RAB36: variants seen among roughly 807,000 people sequenced by gnomAD.
RAB36 encodes the protein ras-related protein Rab-36.
A neutral mutation model predicts 39.3 loss-of-function variants in RAB36; 33 were observed. The observed-to-expected ratio is 0.84, with a 90% CI of 0.64 to 1.12. The LOEUF (loss-of-function observed/expected upper bound fraction) is 1.12, where lower values mean the gene tolerates loss of function less well. RAB36 is among the 50% of genes most tolerant of loss of function. RAB36 has a pLI of 0.00. For missense variants in RAB36, 308 were observed against 355.3 expected (o/e 0.87, Z 1.07); for synonymous variants, 133 against 140.2 (o/e 0.95, Z 0.36).
downstream of RAB36, among the ~76,000 whole-genome samples, chr22:23,168,276 G>C (rs2072082398): frequency 6.6e-6 from 1 of 152,192 alleles, no homozygotes. Context: ...TCCAGCTCTT[G>C]AAGTCCTGGG....
At chr22:23,154,431 G>A (rs1015859944) in intron 5 of RAB36, among the ~76,000 whole-genome samples, 2 of 152,240 alleles carry the variant, frequency 1.3e-5, no homozygotes, top group Non-Finnish European at 2.9e-5. Flanking sequence ...GGAGATGGAG[G>A]ATAACAAATC....
Position 23,162,980 on chromosome 22 carries a change from C to T in RAB36, c.*1416C>T, listed in dbSNP as rs1415428364. On this transcript the variant is annotated 3_prime_UTR_variant, in exon 11 of 11. Coordinates refer to ENST00000263116, the MANE Select transcript of RAB36 (RefSeq NM_004914.5). ...AGGCTGGAGTGCAATGGCGTAATCT[C>T]GGCTCAGTGCAACCTCTGCCTCCCA... is the stretch of plus-strand genomic sequence containing the variant. 6 of 323,602 alleles carry T rather than the reference C, an allele frequency of 1.9e-5. No homozygotes were observed. The highest frequency in any genetic ancestry group is 3.0e-5 in the Non-Finnish European group (5 of 166,244). The allele number at this position is 323,602 out of a possible 1,614,324, so 20.0% of individuals were successfully genotyped here.
At chr22:23,149,024 C>T (rs2070957070) in intron 2 of RAB36, among the ~76,000 whole-genome samples, 2 of 152,150 alleles carry the variant, frequency 1.3e-5, no homozygotes, top group Admixed American at 6.5e-5. Flanking sequence ...TGTAACTTGC[C>T]CTTTGCCAGT....
chr22:23,155,026 G>A (rs1729608558), intron 5 of RAB36, among the ~76,000 whole-genome samples: 1 of 152,176 alleles, frequency 6.6e-6, no homozygotes, highest in Admixed American at 6.5e-5. Flanking sequence ...TTGGGAGGCT[G>A]AGGCAGGAGA....
At chr22:23,146,829 G>A in intron 2 of RAB36, 144 bp downstream of exon 2, 1 of 1,409,598 alleles carries the variant, frequency 7.1e-7, no homozygotes, top group Non-Finnish European at 9.3e-7. Flanking sequence ...CTGGGAGACT[G>A]GTCACTGACT....
chr22:23,158,184 G>A (rs947417092), intron 7 of RAB36, 141 bp downstream of exon 7: 20 of 1,498,138 alleles, frequency 1.3e-5, no homozygotes, highest in Middle Eastern at 2.3e-4. Context: ...AGCTGCCCAC[G>A]GACTACTTAC....
chr22:23,167,097 C>G (rs1365812238), downstream of RAB36, among the ~76,000 whole-genome samples: 1 of 152,116 alleles, frequency 6.6e-6, no homozygotes, highest in East Asian at 1.9e-4. Context: ...CTCTGAACTC[C>G]TGGTCCCTCC....
chr22:23,145,705 C>T (rs2070727824), intron 1 of RAB36, among the ~76,000 whole-genome samples, 154 bp downstream of exon 1: 1 of 152,228 alleles, frequency 6.6e-6, no homozygotes, highest in South Asian at 2.1e-4. Context: ...TCCTCATTTC[C>T]GGAGCGCAAA....
rs79387957 is a variant in RAB36, at chr22:23,162,708, C to T, written c.*1144C>T. On this transcript the variant is annotated 3_prime_UTR_variant, in exon 11 of 11. Coordinates refer to ENST00000263116, the MANE Select transcript of RAB36 (RefSeq NM_004914.5). ...CCTGGCTATGCCCACTCATCCCACCCGTCTCGTGCTGTTGCTTCCCGTAGA... is the reference window on the plus strand; with the variant it reads ...CCTGGCTATGCCCACTCATCCCACCTGTCTCGTGCTGTTGCTTCCCGTAGA... 834 of 456,264 alleles carry T rather than the reference C, an allele frequency of 1.8e-3. 1 individual carries two copies. Among genetic ancestry groups the T allele is most frequent in the African/African-American group, 5.6e-3 (279 of 50,170 alleles). The allele number at this position is 456,264 out of a possible 1,614,324, so 28.3% of individuals were successfully genotyped here. A position where few individuals can be genotyped will look rare whatever the true frequency, so the allele number is the denominator to read the frequency against.
At chr22:23,152,947 G>A in intron 4 of RAB36, 86 bp from the exon 5 acceptor site, 1 of 952,376 alleles carries the variant, frequency 1.1e-6, no homozygotes, top group Non-Finnish European at 1.7e-6. Flanking sequence ...GACCTTATTT[G>A]CCTAAAGACT....
chr22:23,149,095 G>C (rs2070960055), intron 2 of RAB36, among the ~76,000 whole-genome samples: 1 of 151,966 alleles, frequency 6.6e-6, no homozygotes, highest in African/African-American at 2.4e-5. Context: ...GATGGGCCAG[G>C]CAGAGCCCGA....
chr22:23,147,939 A>G (rs913183484), intron 2 of RAB36, among the ~76,000 whole-genome samples: 4 of 152,158 alleles, frequency 2.6e-5, no homozygotes, highest in Non-Finnish European at 5.9e-5. Flanking sequence ...AAGGAGAGGG[A>G]GAAATGTCTA....
downstream of RAB36, among the ~76,000 whole-genome samples, chr22:23,168,223 C>G (rs1043930061): frequency 4.6e-5 from 7 of 152,156 alleles, no homozygotes; most frequent in African/African-American, 1.7e-4. Flanking sequence ...GGGGCATAAG[C>G]CCTGGGTCCA....
chr22:23,145,330 C>T (rs1400190974), upstream of RAB36: 1 of 1,587,594 alleles, frequency 6.3e-7, no homozygotes, highest in Admixed American at 1.7e-5. Flanking sequence ...TCTCTGCTGC[C>T]AGCCCCGCCC....
At chr22:23,166,147 TAAAAA>T (rs695297), downstream of RAB36, among the ~76,000 whole-genome samples, 623 of 59,872 alleles carry the variant, frequency 0.01, 27 homozygotes, top group African/African-American at 0.037. Context: ...CTCTGTCTTT[TAAAAA>T]AAAAAAAAAA....
chr22:23,147,083 CTGT>C (rs2070820657), intron 2 of RAB36, among the ~76,000 whole-genome samples: 1 of 152,202 alleles, frequency 6.6e-6, no homozygotes, highest in Admixed American at 6.5e-5. Context: ...GTCATAGTTG[CTGT>C]TGTTCTCATC....
rs1569214875 is a variant in RAB36, at chr22:23,158,040, C to A, written c.443C>A (p.Thr148Asn). Residue 148 changes from threonine (T) to asparagine (N), a missense_variant, in exon 7 of 11, where the codon ACC becomes AAC. Thr to Asn is a moderately conservative substitution (Grantham distance 65, BLOSUM62 0). Coordinates refer to ENST00000263116, the MANE Select transcript of RAB36 (RefSeq NM_004914.5). The stretch of plus-strand genomic sequence containing the variant: ...ACTGACGTGCAGACCCTGGAGCATA[C>A]CAGGTAAGTCTGGGCTCTCTGGCCC... ...DLTDVQTLEH[T>N]RQWLEDALRE... 1 of 1,614,138 alleles carries A rather than the reference C, an allele frequency of 6.2e-7. No individual in the cohort carries two copies. The highest frequency in any genetic ancestry group is 1.7e-5 in the Admixed American group (1 of 60,016).
At chr22:23,155,376 T>C (rs2071395966) in intron 5 of RAB36, among the ~76,000 whole-genome samples, 1 of 152,224 alleles carries the variant, frequency 6.6e-6, no homozygotes, top group Non-Finnish European at 1.5e-5. Flanking sequence ...TGTTGTACTC[T>C]TTTCCATGGA....
chr22:23,160,867 G>C lies in RAB36; in HGVS notation c.620-12G>C. 5.0e-6 allele frequency: 8 copies of C among 1,611,820 alleles called. No individual in the cohort carries two copies. Among genetic ancestry groups the C allele is most frequent in the Non-Finnish European group, 6.8e-6 (8 of 1,178,718 alleles). On this transcript the variant is annotated splice_polypyrimidine_tract_variant and intron_variant, in intron 9 of 10. Transcript: ENST00000263116. ...ACACTGATGAGGTCCCGGCTGTCTT[G>C]TGGGCCCACAGGCGAGAACGTGAAG...
Sources: allele counts gnomAD v4.1 joint callset (sites outside exome capture counted in the v4.1 genomes callset), GRCh38; gene constraint gnomAD v4.1.1; transcripts MANE v1.5; gene names NCBI Gene and HGNC (gene_info 2026-07-23, HGNC 2026-07-21).